Variants in CSMD1 observed in about 807,000 individuals in gnomAD.
The protein encoded by CSMD1 is CUB and sushi domain-containing protein 1.
Under a neutral mutation model 417.5 loss-of-function variants are expected in CSMD1, and 213 were observed. That is an observed-to-expected ratio of 0.51 (90% CI 0.46 to 0.57). The LOEUF (loss-of-function observed/expected upper bound fraction) is 0.57, where lower values mean the gene tolerates loss of function less well. Among genes scored for constraint, CSMD1 ranks in the 20% least tolerant of loss-of-function variants. The pLI is 0.00. For missense variants in CSMD1, 6,923 were observed against 4,529.7 expected (o/e 1.53, Z -15.17); for synonymous variants, 2,862 against 1,736.8 (o/e 1.65, Z -16.11).
intron 2 of CSMD1, among the ~76,000 whole-genome samples, chr8:4,603,475 C>G (rs1480961132): frequency 6.6e-6 from 1 of 151,784 alleles, no homozygotes; most frequent in Non-Finnish European, 1.5e-5. Flanking sequence ...AACAAATGTT[C>G]CATAAATAAT....
intron 3 of CSMD1, among the ~76,000 whole-genome samples, chr8:4,392,338 G>A (rs1803901913): frequency 6.6e-6 from 1 of 152,146 alleles, no homozygotes; most frequent in African/African-American, 2.4e-5. Context: ...CGGATATGTA[G>A]GGAAGGTCAC....
chr8:3,893,694 C>G (rs973522520), intron 5 of CSMD1, among the ~76,000 whole-genome samples: 2 of 151,922 alleles, frequency 1.3e-5, no homozygotes, highest in African/African-American at 2.4e-5. Context: ...ACAACAACCG[C>G]AGCAACCGTG....
chr8:4,334,586 T>C (rs1019405718), intron 3 of CSMD1, among the ~76,000 whole-genome samples: 5 of 152,164 alleles, frequency 3.3e-5, no homozygotes, highest in African/African-American at 1.2e-4. Context: ...GAGACATCTC[T>C]ATTTTTATTT....
At chr8:3,648,500 G>C (rs1357759310) in intron 7 of CSMD1, among the ~76,000 whole-genome samples, 3 of 152,170 alleles carry the variant, frequency 2.0e-5, no homozygotes, top group African/African-American at 4.8e-5. Context: ...TGACTGCTGA[G>C]ATTTTGGACC....
At chr8:3,018,826 A>T (rs1355176864) in intron 51 of CSMD1, among the ~76,000 whole-genome samples, 176 bp from the exon 52 acceptor site, 1 of 152,168 alleles carries the variant, frequency 6.6e-6, no homozygotes, top group Non-Finnish European at 1.5e-5. Context: ...TCACTTAAGA[A>T]GCTTAATTTT....
chr8:3,023,854 CAA>C (rs71199524), intron 51 of CSMD1, among the ~76,000 whole-genome samples: 272 of 108,078 alleles, frequency 2.5e-3, no homozygotes, highest in Non-Finnish European at 2.6e-3. Flanking sequence ...ACTGGGGAGT[CAA>C]AAAAAAAAAA....
chr8:4,397,203 A>T (rs946947104), intron 3 of CSMD1, among the ~76,000 whole-genome samples: 5 of 151,732 alleles, frequency 3.3e-5, no homozygotes, highest in Non-Finnish European at 7.4e-5. Flanking sequence ...ATCCTATTTT[A>T]AAAAAAACAA....
At chr8:4,756,992 G>A (rs1274345827) in intron 1 of CSMD1, among the ~76,000 whole-genome samples, 1 of 152,152 alleles carries the variant, frequency 6.6e-6, no homozygotes, top group South Asian at 2.1e-4. Context: ...TGCAGATATA[G>A]AATATATTTA....
chr8:3,645,386 T>A (rs573997710), intron 7 of CSMD1, among the ~76,000 whole-genome samples: 4 of 152,272 alleles, frequency 2.6e-5, no homozygotes, highest in Admixed American at 2.6e-4. Context: ...CAGATTGGGG[T>A]TGAAGCTCGG....
intron 1 of CSMD1, among the ~76,000 whole-genome samples, chr8:4,976,109 T>C (rs754328067): frequency 3.3e-5 from 5 of 152,136 alleles, no homozygotes; most frequent in African/African-American, 4.8e-5. Flanking sequence ...GGGATAAACA[T>C]TGGATAAATA....
intron 1 of CSMD1, among the ~76,000 whole-genome samples, chr8:4,876,174 G>C (rs1202904555): frequency 1.3e-5 from 2 of 151,988 alleles, no homozygotes; most frequent in Non-Finnish European, 2.9e-5. Flanking sequence ...TCCCTGCTGG[G>C]TAATAACATA....
intron 54 of CSMD1, among the ~76,000 whole-genome samples, chr8:2,982,342 C>A (rs866158953): frequency 6.6e-6 from 1 of 151,972 alleles, no homozygotes; most frequent in African/African-American, 2.4e-5. Flanking sequence ...GGTGACAGAG[C>A]GAGACTCTGT....
chr8:4,205,395 A>G (rs768105314), intron 3 of CSMD1, among the ~76,000 whole-genome samples: 3 of 152,238 alleles, frequency 2.0e-5, no homozygotes, highest in Non-Finnish European at 4.4e-5. Context: ...TAGCCTTGGC[A>G]TGTGCCTCAT....
chr8:3,373,208 A>T (rs138552117), intron 18 of CSMD1: 1 of 152,328 alleles, frequency 6.6e-6, no homozygotes, highest in African/African-American at 2.4e-5. Context: ...CTGTCTTCAT[A>T]TCATCAGGAA....
At position 4,541,398 on chromosome 8, in the gene CSMD1, C is replaced by G. The variant is rs559581383; in HGVS notation, c.302+95944G>C. Among the ~76,000 whole-genome samples the G allele has an allele frequency of 3.9e-5, 6 of 152,280 alleles. No homozygotes were observed. In the South Asian group the frequency reaches 1.2e-3, roughly 32 times the overall value. ...TTTATAGTTTTGCTTATTTTGTAAG[C>G]ACTGCCTTCACCTTTGCACTTCTAA... On this transcript the variant is annotated intron_variant, in intron 2 of 69. Transcript: ENST00000635120.
intron 3 of CSMD1, among the ~76,000 whole-genome samples, chr8:4,171,612 T>C (rs1231216804): frequency 6.6e-6 from 1 of 151,706 alleles, no homozygotes; most frequent in East Asian, 1.9e-4. Context: ...ACGGTCCCAC[T>C]AAATTTCACT....
intron 3 of CSMD1, among the ~76,000 whole-genome samples, chr8:4,316,633 C>T (rs559322109): frequency 7.2e-5 from 11 of 151,914 alleles, no homozygotes; most frequent in East Asian, 1.9e-4. Context: ...AGAAGGTGAA[C>T]GACAATGGGG....
chr8:4,878,884 A>G (rs1229711881), intron 1 of CSMD1, among the ~76,000 whole-genome samples: 1 of 151,454 alleles, frequency 6.6e-6, no homozygotes, highest in Non-Finnish European at 1.5e-5. Context: ...GACACACAAA[A>G]AGCTGATGAT....
chr8:4,493,816 G>T, intron 2 of CSMD1, among the ~76,000 whole-genome samples: 1 of 152,150 alleles, frequency 6.6e-6, no homozygotes, highest in East Asian at 1.9e-4. Context: ...AGCCACTAGA[G>T]GACATCATTC....
Sources: allele counts gnomAD v4.1 joint callset (sites outside exome capture counted in the v4.1 genomes callset), GRCh38; gene constraint gnomAD v4.1.1; transcripts MANE v1.5; gene names NCBI Gene and HGNC (gene_info 2026-07-23, HGNC 2026-07-21).